POLH: variants seen among roughly 807,000 people sequenced by gnomAD.
POLH encodes the protein DNA polymerase eta.
A neutral mutation model predicts 73.6 loss-of-function variants in POLH; 53 were observed. The ratio of observed to expected loss-of-function variants is 0.72; its 90% confidence interval spans 0.58 to 0.91. The LOEUF is 0.91. POLH is among the 40% of genes least tolerant of loss of function. POLH has a pLI of 0.00. For synonymous variants in POLH, 292 were observed against 308.5 expected, an observed-to-expected ratio of 0.95 and a Z score of 0.56; for missense variants, 768 against 865.4, an observed-to-expected ratio of 0.89 and a Z score of 1.41.
chr6:43,593,624 G>A (rs556887751), intron 4 of POLH, among the ~76,000 whole-genome samples: 21 of 152,300 alleles, frequency 1.4e-4, no homozygotes, highest in African/African-American at 4.6e-4. Context: ...GCTCACGCCT[G>A]TAATCCCAGC....
At position 43,620,024 on chromosome 6, in the gene POLH, A is replaced by C. The variant is rs1768605637; in HGVS notation, c.*5467A>C. 3.6e-6 allele frequency: 1 copy of C among 276,196 alleles called. No homozygotes were observed. The highest frequency in any genetic ancestry group is 7.0e-6 in the Non-Finnish European group (1 of 142,952). 17.1% of individuals were successfully genotyped at this position (276,196 alleles called of 1,614,324 possible). On this transcript the variant is annotated 3_prime_UTR_variant, in exon 11 of 11. Coordinates refer to ENST00000372236, the MANE Select transcript of POLH (RefSeq NM_006502.3). ...TCAAAATCAAGTAGTATGAACATGG[A>C]AACAGGAGCAGGGACTAAGGTTTGG...
intron 1 of POLH, 132 bp from the exon 2 acceptor site, chr6:43,582,184 C>G: frequency 2.4e-6 from 2 of 831,058 alleles, no homozygotes; most frequent in Non-Finnish European, 4.2e-6. Flanking sequence ...TATTTAAATG[C>G]CTATTTCATT....
chr6:43,576,654 C>G (rs1044261698), intron 1 of POLH, among the ~76,000 whole-genome samples: 3 of 152,234 alleles, frequency 2.0e-5, no homozygotes. Flanking sequence ...CTTGGAATTA[C>G]TTTCCTGGAT....
At chr6:43,598,980 G>A (rs1490235292) in intron 5 of POLH, among the ~76,000 whole-genome samples, 3 of 144,296 alleles carry the variant, frequency 2.1e-5, no homozygotes, top group African/African-American at 7.7e-5. Context: ...TTCACTTGCT[G>A]AATTTTTTTT....
At chr6:43,582,104 T>C (rs914701320) in intron 1 of POLH, among the ~76,000 whole-genome samples, 3 of 152,144 alleles carry the variant, frequency 2.0e-5, no homozygotes, top group Admixed American at 2.0e-4. Context: ...TATTGCAAAA[T>C]TTGAAAAAAA....
intron 9 of POLH, among the ~76,000 whole-genome samples, chr6:43,609,133 A>G (rs917974373): frequency 5.9e-5 from 9 of 152,122 alleles, no homozygotes; most frequent in African/African-American, 2.2e-4. Flanking sequence ...CTATCACAGC[A>G]GCAGCCTCCA....
At chr6:43,580,110 TCTTAACGAGCATGCTGC>T (rs1232975162) in intron 1 of POLH, among the ~76,000 whole-genome samples, 2 of 149,696 alleles carry the variant, frequency 1.3e-5, no homozygotes, top group Non-Finnish European at 3.0e-5. Flanking sequence ...TGGTGATGAC[TCTTAACGAGCATGCTGC>T]CTTCAAGCAT....
At chr6:43,578,609 A>C (rs1763664161) in intron 1 of POLH, among the ~76,000 whole-genome samples, 1 of 152,194 alleles carries the variant, frequency 6.6e-6, no homozygotes, top group South Asian at 2.1e-4. Flanking sequence ...GTATGTAGTT[A>C]ATAATATGCC....
intron 1 of POLH, among the ~76,000 whole-genome samples, chr6:43,580,439 G>A (rs1297406192): frequency 2.7e-4 from 38 of 142,314 alleles, no homozygotes; most frequent in East Asian, 2.1e-3. Context: ...CCTCCCAGAC[G>A]GGGTGGTGGC....
chr6:43,597,297 T>C (rs886762906), intron 4 of POLH, among the ~76,000 whole-genome samples: 1 of 152,112 alleles, frequency 6.6e-6, no homozygotes, highest in Non-Finnish European at 1.5e-5. Context: ...GTATTTTTAG[T>C]AGAGACGGAG....
In POLH at chr6:43,618,330, A is replaced by G. The variant is rs1040025248; in HGVS notation, c.*3773A>G. On this transcript the variant is annotated 3_prime_UTR_variant, in exon 11 of 11. Transcript: ENST00000372236. ...ACCACCATGCCCAGCTAATTTTTGT[A>G]TTTTTAGTAGAGACAGGTTTTCACC... is the stretch of plus-strand genomic sequence containing the variant. Among the ~76,000 whole-genome samples, 15 of 151,892 alleles carry G rather than the reference A, an allele frequency of 9.9e-5. No homozygotes were observed. Among genetic ancestry groups the G allele is most frequent in the African/African-American group, 3.6e-4 (15 of 41,332 alleles).
chr6:43,595,027 G>A (rs1392336676), intron 4 of POLH, among the ~76,000 whole-genome samples: 5 of 151,488 alleles, frequency 3.3e-5, no homozygotes, highest in Admixed American at 6.6e-5. Flanking sequence ...GTGAAACCCC[G>A]TCTCTACAAA....
intron 6 of POLH, among the ~76,000 whole-genome samples, chr6:43,602,991 A>AT (rs1766894059): frequency 2.6e-5 from 3 of 113,722 alleles, no homozygotes; most frequent in African/African-American, 1.0e-4. Flanking sequence ...TAGGTTATGT[A>AT]TTCCTTTTTT....
chr6:43,579,001 A>C (rs994554837), intron 1 of POLH, among the ~76,000 whole-genome samples: 3 of 152,206 alleles, frequency 2.0e-5, no homozygotes, highest in Non-Finnish European at 2.9e-5. Flanking sequence ...TGCCTTCATA[A>C]AATTGTACTA....
Position 43,579,913 on chromosome 6 carries a change from T to A in POLH, c.-4-2403T>A, listed in dbSNP as rs552272974. Among the ~76,000 whole-genome samples, 159 of 148,896 alleles carry A rather than the reference T, an allele frequency of 1.1e-3. No homozygotes were observed. The East Asian group carries it at 0.012, about 11-fold the overall frequency. ...GTGAAAGAATCTTTTTTTTTTTTTT[T>A]TAAATTTATTTTTTTATTGATAATT... is the stretch of plus-strand genomic sequence containing the variant. On this transcript the variant is annotated intron_variant, in intron 1 of 10. Transcript: ENST00000372236.
rs1008962504 is a variant in POLH, at chr6:43,616,717, T to C, written c.*2160T>C. Among the ~76,000 whole-genome samples, 5 of 152,226 alleles carry C rather than the reference T, an allele frequency of 3.3e-5. No homozygotes were observed. Among genetic ancestry groups the C allele is most frequent in the African/African-American group, 7.2e-5 (3 of 41,458 alleles). Reference sequence around the variant, plus strand: ...AAGCCTTGAAACCCTAAAAGTGATATGGTAACTAGGGCAGGTCTTTCTGTA... The same window carrying C: ...AAGCCTTGAAACCCTAAAAGTGATACGGTAACTAGGGCAGGTCTTTCTGTA... On this transcript the variant is annotated 3_prime_UTR_variant, in exon 11 of 11. Coordinates refer to ENST00000372236, the MANE Select transcript of POLH (RefSeq NM_006502.3).
At chr6:43,588,027 C>T (rs1021360968) in intron 4 of POLH, among the ~76,000 whole-genome samples, 7 of 152,068 alleles carry the variant, frequency 4.6e-5, no homozygotes, top group East Asian at 1.9e-4. Flanking sequence ...AGGGAGACTC[C>T]GTCTCAAAAA....
Position 43,613,819 on chromosome 6 carries a change from A to G in POLH, c.1404A>G (p.Pro468=), listed in dbSNP as rs777607452. 1 of 1,614,116 alleles carries G rather than the reference A, an allele frequency of 6.2e-7. No individual in the cohort carries two copies. Among genetic ancestry groups the G allele is most frequent in the Non-Finnish European group, 8.5e-7 (1 of 1,180,054 alleles). ...AAGCTAAGACCCAGGGAAGTGGCCC[A>G]GCGGTGACAGCCACTAAGAAAGCAA... The part of the protein sequence containing the change: ...SSEAKTQGSG[P]AVTATKKATT... The change falls in exon 11 of 11, where the codon CCA becomes CCG. Residue 468 remains proline, a synonymous_variant. Transcript: ENST00000372236.
At chr6:43,586,163 G>A (rs1202438807) in intron 3 of POLH, among the ~76,000 whole-genome samples, 1 of 152,136 alleles carries the variant, frequency 6.6e-6, no homozygotes, top group South Asian at 2.1e-4. Flanking sequence ...TACAAAGCAG[G>A]TCCAAGCCAA....
Sources: gnomAD v4.1 joint callset for allele counts (sites outside exome capture counted in the v4.1 genomes callset) on GRCh38, gnomAD v4.1.1 for gene constraint, MANE v1.5 for transcripts, NCBI Gene and HGNC (gene_info 2026-07-23, HGNC 2026-07-21) for gene names.